The following AKT2 variants were observed in gnomAD, a reference collection of about 807,000 sequenced individuals.
AKT2 encodes RAC-beta serine/threonine-protein kinase.
Under a neutral mutation model 58.6 loss-of-function variants are expected in AKT2, and 16 were observed. The ratio of observed to expected loss-of-function variants is 0.27; its 90% CI spans 0.18 to 0.41. The LOEUF (loss-of-function observed/expected upper bound fraction) is 0.41, where lower values mean the gene tolerates loss of function less well. AKT2 is among the 10% of genes least tolerant of loss of function. The pLI, the probability that AKT2 is intolerant of heterozygous loss-of-function variation, is 1.00. For missense variants in AKT2, 438 were observed against 661.0 expected (o/e 0.66, Z 3.70); for synonymous variants, 253 against 254.0 (o/e 1.00, Z 0.04).
chr19:40,282,424 T>C, intron 1 of AKT2: 2 of 459,790 alleles, frequency 4.3e-6, no homozygotes, highest in Admixed American at 2.4e-5. Flanking sequence ...TCTCTTGCTG[T>C]CTTCTTCTCC....
rs1392289398 is a variant in AKT2 at position 40,238,215 on chromosome 19, A to C, written c.709-124T>G. 7.7e-7 allele frequency: 1 copy of C among 1,300,828 alleles called. No homozygotes were observed. Among genetic ancestry groups the C allele is most frequent in the Non-Finnish European group, 1.1e-6 (1 of 939,538 alleles). 80.6% of individuals were successfully genotyped at this position (1,300,828 alleles called of 1,614,324 possible). ...CCTGTATCATGAACCAGCAAGTGAC[A>C]GCTAGAGGGACCAATCAAGGCAGAG... is the stretch of plus-strand genomic sequence containing the variant. On this transcript the variant is annotated intron_variant, in intron 8 of 13. Transcript: ENST00000392038. The surrounding 1 kb of genome is among the most constrained non-coding windows in gnomAD (Gnocchi z 5.1).
At chr19:40,280,353 AAAAC>A (rs1483390455) in intron 1 of AKT2, among the ~76,000 whole-genome samples, 3 of 152,188 alleles carry the variant, frequency 2.0e-5, no homozygotes, top group African/African-American at 4.8e-5. Context: ...ACACGGTGTG[AAAAC>A]CACAGGAGGG....
chr19:40,274,292 A>G (rs4239505), intron 1 of AKT2: 148,683 of 152,792 alleles, frequency 0.97, 72,368 homozygotes, highest in African/African-American at 0.99. Flanking sequence ...TGGGCCCATA[A>G]CTTTCATTAC....
At chr19:40,236,458 GAA>G in intron 9 of AKT2, 73 bp from the exon 10 acceptor site, 1 of 1,604,620 alleles carries the variant, frequency 6.2e-7, no homozygotes, top group South Asian at 1.1e-5. Context: ...TCCTTCCAGG[GAA>G]AGATGCCCGG....
rs1974179518 is a variant in AKT2 at position 40,238,627 on chromosome 19, C to T, written c.708+278G>A. 6.6e-6 allele frequency among the ~76,000 whole-genome samples: 1 copy of T among 152,102 alleles called. No homozygotes were observed. The highest frequency in any genetic ancestry group is 1.5e-5 in the Non-Finnish European group (1 of 68,008). On this transcript the variant is annotated intron_variant, in intron 8 of 13. Transcript: ENST00000392038. This position sits in a 1 kb window ranked among gnomAD's most constrained non-coding sequence, Gnocchi z 5.1. ...GCCTTTAAGACCATCCTTCCCAGTGCTATCGCCCCACAGCCCTCTCCACAC... is the reference window on the plus strand; with the variant it reads ...GCCTTTAAGACCATCCTTCCCAGTGTTATCGCCCCACAGCCCTCTCCACAC...
At position 40,238,375 on chromosome 19, in the gene AKT2, G is replaced by A. The variant is rs145839567; in HGVS notation, c.709-284C>T. 3.9e-5 allele frequency among the ~76,000 whole-genome samples: 6 copies of A among 152,300 alleles called. No individual in the cohort carries two copies. Among genetic ancestry groups the A allele is most frequent in the African/African-American group, 1.4e-4 (6 of 41,562 alleles). Reference sequence around the variant, plus strand: ...GGAGGCAAAAAGAAGCACACGTCATGACCAAGTAACAATAGGCCATGGGCA... The same window carrying A: ...GGAGGCAAAAAGAAGCACACGTCATAACCAAGTAACAATAGGCCATGGGCA... On this transcript the variant is annotated intron_variant, in intron 8 of 13. Transcript: ENST00000392038. This position sits in a 1 kb window ranked among gnomAD's most constrained non-coding sequence, Gnocchi z 5.1.
intron 1 of AKT2, among the ~76,000 whole-genome samples, chr19:40,283,399 C>G (rs1568580820): frequency 6.6e-6 from 1 of 152,178 alleles, no homozygotes; most frequent in Non-Finnish European, 1.5e-5. Context: ...GGAACAAACC[C>G]CTAGTGGAGA....
In AKT2 at chr19:40,232,614, C is replaced by T. The variant is rs1049297201; in HGVS notation, c.*1258G>A. 1 of 233,096 alleles carries T rather than the reference C, an allele frequency of 4.3e-6. No individual in the cohort carries two copies. The highest frequency in any genetic ancestry group is 2.2e-5 in the African/African-American group (1 of 45,234). The allele number at this position is 233,096 out of a possible 1,614,324, so 14.4% of individuals were successfully genotyped here. Reference sequence around the variant, plus strand: ...GCAGCTCATGGATCACAGTGGGGCTCCTCCCACTAGGTCAGCACCCCTCCC... The same window carrying T: ...GCAGCTCATGGATCACAGTGGGGCTTCTCCCACTAGGTCAGCACCCCTCCC... On this transcript the variant is annotated 3_prime_UTR_variant, in exon 14 of 14. Coordinates refer to ENST00000392038, the MANE Select transcript of AKT2 (RefSeq NM_001626.6).
At position 40,237,483 on chromosome 19, in the gene AKT2, A is replaced by T; in HGVS notation, c.831+486T>A. The T allele has an allele frequency of 6.0e-6, 1 of 165,982 alleles. No individual in the cohort carries two copies. The allele number at this position is 165,982 out of a possible 1,614,324, so 10.3% of individuals were successfully genotyped here. A position where few individuals can be genotyped will look rare whatever the true frequency, so the allele number is the denominator to read the frequency against. ...AATATGATGAAACCCCGTCTCTACT[A>T]AAAATACAAAAATTAGCTGGGCATG... is the stretch of plus-strand genomic sequence containing the variant. On this transcript the variant is annotated intron_variant, in intron 9 of 13. Transcript: ENST00000392038. The surrounding 1 kb of genome is among the most constrained non-coding windows in gnomAD (Gnocchi z 4.5).
chr19:40,263,633 T>A (rs543146859), intron 2 of AKT2, among the ~76,000 whole-genome samples: 1 of 152,084 alleles, frequency 6.6e-6, no homozygotes, highest in South Asian at 2.1e-4. Flanking sequence ...TTAAAAGCCA[T>A]CTCTGTCCAG....
At chr19:40,269,889 T>C (rs1359676335) in intron 1 of AKT2, among the ~76,000 whole-genome samples, 4 of 152,078 alleles carry the variant, frequency 2.6e-5, no homozygotes, top group Non-Finnish European at 5.9e-5. Context: ...CTCCCACCCC[T>C]TCTCCGCTCG....
In AKT2 at chr19:40,231,216, A is replaced by C. The variant is rs906636474; in HGVS notation, c.*2656T>G. 8.6e-6 allele frequency: 2 copies of C among 232,124 alleles called. No homozygotes were observed. Among genetic ancestry groups the C allele is most frequent in the African/African-American group, 2.2e-5 (1 of 45,272 alleles). The allele number at this position is 232,124 out of a possible 1,614,324, so 14.4% of individuals were successfully genotyped here. ...CCAGCTGCTGCAGCTGTGGGACCCC[A>C]TCCTGTGGAAGAGGAGAGAGGCACT... On this transcript the variant is annotated 3_prime_UTR_variant, in exon 14 of 14. Transcript: ENST00000392038.
Position 40,232,096 on chromosome 19 carries a change from A to G in AKT2, c.*1776T>C, listed in dbSNP as rs1973730277. The G allele has an allele frequency of 4.3e-6, 1 of 232,354 alleles. No homozygotes were observed. The highest frequency in any genetic ancestry group is 8.5e-6 in the Non-Finnish European group (1 of 118,028). 14.4% of individuals were successfully genotyped at this position (232,354 alleles called of 1,614,324 possible). ...TGAGGGCCTGGAGTGGTCTCTGTCC[A>G]CCCCACCCCCACATGCGGGGAGCCT... On this transcript the variant is annotated 3_prime_UTR_variant, in exon 14 of 14. Transcript: ENST00000392038.
chr19:40,241,561 A>G (rs1410275294), intron 6 of AKT2: 1 of 279,612 alleles, frequency 3.6e-6, no homozygotes, highest in South Asian at 4.0e-5. Context: ...AAAAATTCAA[A>G]TAAGGGAAAA....
intron 2 of AKT2, among the ~76,000 whole-genome samples, chr19:40,258,034 G>A (rs949486415): frequency 7.2e-5 from 11 of 151,824 alleles, no homozygotes; most frequent in Admixed American, 6.6e-4. Context: ...ATCACCTGAG[G>A]TCGGGAGTTG....
chr19:40,261,914 TTTTTAAAGGATAAAA>T (rs956024083), intron 2 of AKT2, among the ~76,000 whole-genome samples: 50 of 152,148 alleles, frequency 3.3e-4, no homozygotes, highest in African/African-American at 1.2e-3. Flanking sequence ...CGTTTTTTTT[TTTTTAAAGGATAAAA>T]ACTAAAAAAA....
At chr19:40,272,202 G>T (rs1247237645) in intron 1 of AKT2, among the ~76,000 whole-genome samples, 2 of 152,220 alleles carry the variant, frequency 1.3e-5, no homozygotes, top group Non-Finnish European at 2.9e-5. Context: ...AGTACAGGCG[G>T]CCTGGCTCCC....
At chr19:40,267,586 T>C (rs756697383) in intron 1 of AKT2, among the ~76,000 whole-genome samples, 2 of 152,138 alleles carry the variant, frequency 1.3e-5, no homozygotes, top group Non-Finnish European at 2.9e-5. Flanking sequence ...CCAACACCTA[T>C]TAACGCTAAT....
At chr19:40,261,279 T>A (rs189826079) in intron 2 of AKT2, among the ~76,000 whole-genome samples, 1 of 152,280 alleles carries the variant, frequency 6.6e-6, no homozygotes, top group African/African-American at 2.4e-5. Context: ...ACGCCTGTAA[T>A]CCCAGCACTT....
Sources: allele counts gnomAD v4.1 joint callset (sites outside exome capture counted in the v4.1 genomes callset), GRCh38; gene constraint gnomAD v4.1.1; non-coding constraint Gnocchi (gnomAD v3.1); transcripts MANE v1.5; gene names NCBI Gene and HGNC (gene_info 2026-07-23, HGNC 2026-07-21).